MTUS2: variants seen among roughly 807,000 people sequenced by gnomAD.
MTUS2 encodes the protein microtubule-associated tumor suppressor candidate 2.
Under a neutral mutation model 114.1 loss-of-function variants are expected in MTUS2, and 40 were observed. The ratio of observed to expected loss-of-function variants is 0.35; its 90% CI spans 0.27 to 0.46. The LOEUF is 0.46. Among genes scored for constraint, MTUS2 ranks in the 20% least tolerant of loss-of-function variants. The pLI, the probability that MTUS2 is intolerant of heterozygous loss-of-function variation, is 1.00. For missense variants in MTUS2, 1,679 were observed against 1,705.4 expected (o/e 0.98, Z 0.27); for synonymous variants, 688 against 672.0 (o/e 1.02, Z -0.37).
At chr13:29,443,544 A>G (rs1878054465) in intron 9 of MTUS2, among the ~76,000 whole-genome samples, 1 of 152,234 alleles carries the variant, frequency 6.6e-6, no homozygotes, top group African/African-American at 2.4e-5. Context: ...AGGCCTTGGC[A>G]GCACCACCGC....
At chr13:29,394,896 TG>T (rs35870363) in intron 8 of MTUS2, among the ~76,000 whole-genome samples, 1 of 152,002 alleles carries the variant, frequency 6.6e-6, no homozygotes, top group Admixed American at 6.5e-5. Flanking sequence ...TGATCTAAGG[TG>T]GAACAGTTTC....
At chr13:29,426,062 T>A (rs1455020747) in intron 8 of MTUS2, among the ~76,000 whole-genome samples, 1 of 152,204 alleles carries the variant, frequency 6.6e-6, no homozygotes, top group Non-Finnish European at 1.5e-5. Context: ...GTAGGGAGTT[T>A]AGTTAGCTTT....
intron 12 of MTUS2, 99 bp downstream of exon 12, chr13:29,492,818 C>G: frequency 1.1e-6 from 1 of 906,872 alleles, no homozygotes. Context: ...TGTACTAAAT[C>G]CTGTACTAAA....
At chr13:29,099,420 C>T (rs369995493) in intron 4 of MTUS2, among the ~76,000 whole-genome samples, 1 of 152,194 alleles carries the variant, frequency 6.6e-6, no homozygotes, top group Non-Finnish European at 1.5e-5. Context: ...CACGGCTCTC[C>T]ATAGCCTCAC....
At chr13:29,277,532 T>A (rs1045909511) in intron 5 of MTUS2, among the ~76,000 whole-genome samples, 4 of 152,228 alleles carry the variant, frequency 2.6e-5, no homozygotes, top group African/African-American at 9.6e-5. Context: ...AGTGAATAAA[T>A]GCAGTATGGC....
chr13:29,428,365 G>A (rs912844223), intron 8 of MTUS2, among the ~76,000 whole-genome samples: 1 of 152,256 alleles, frequency 6.6e-6, no homozygotes, highest in Non-Finnish European at 1.5e-5. Context: ...CTGAAGCCCA[G>A]GCTCGCCTTT....
chr13:29,257,695 G>A (rs903648511), intron 5 of MTUS2, among the ~76,000 whole-genome samples: 1 of 152,176 alleles, frequency 6.6e-6, no homozygotes, highest in Admixed American at 6.5e-5. Context: ...GGAAGGTAAC[G>A]TTCACTGAAT....
intron 4 of MTUS2, among the ~76,000 whole-genome samples, chr13:29,048,954 T>C (rs1268301285): frequency 6.6e-6 from 1 of 152,232 alleles, no homozygotes. Flanking sequence ...AGTAAAGTTA[T>C]ATCACTGGGG....
rs1032615985 is a variant in MTUS2 at position 29,026,594 on chromosome 13, C to T, written c.1896C>T (p.Ile632=). The part of the protein sequence containing the change: ...KTEERTETKP[I]IMPKPKHVRP... Reference sequence around the variant, plus strand: ...AGGAGAGGACAGAAACTAAGCCCATCATTATGCCCAAGCCCAAGCATGTGA... The same window carrying T: ...AGGAGAGGACAGAAACTAAGCCCATTATTATGCCCAAGCCCAAGCATGTGA... Residue 632 remains isoleucine, a synonymous_variant, in exon 3 of 16, where the codon ATC becomes ATT. Coordinates refer to ENST00000612955, the MANE Select transcript of MTUS2 (RefSeq NM_001033602.4). The T allele has an allele frequency of 4.3e-6, 7 of 1,613,930 alleles. No homozygotes were observed. Among genetic ancestry groups the T allele is most frequent in the South Asian group, 2.2e-5 (2 of 91,072 alleles).
At chr13:29,329,531 G>A (rs531037782) in intron 7 of MTUS2, among the ~76,000 whole-genome samples, 8 of 151,856 alleles carry the variant, frequency 5.3e-5, no homozygotes, top group Admixed American at 2.6e-4. Context: ...TCTTTATCCA[G>A]TCTATCACTG....
At chr13:29,436,278 G>A (rs1290347575) in intron 8 of MTUS2, among the ~76,000 whole-genome samples, 1 of 152,172 alleles carries the variant, frequency 6.6e-6, no homozygotes, top group African/African-American at 2.4e-5. Context: ...GAAGAGTGTG[G>A]ACGATGGGTG....
chr13:29,476,051 G>A (rs941998973), intron 9 of MTUS2, among the ~76,000 whole-genome samples: 10 of 152,110 alleles, frequency 6.6e-5, no homozygotes, highest in South Asian at 4.1e-4. Context: ...CTTTTATACC[G>A]TATTTTAACT....
rs1044855178 is a variant in MTUS2 at position 28,972,126 on chromosome 13, G to A, written c.-242-52331G>A. Among the ~76,000 whole-genome samples, 9 of 152,302 alleles carry A rather than the reference G, an allele frequency of 5.9e-5. No homozygotes were observed. In the South Asian group the frequency reaches 1.2e-3, roughly 21 times the overall value. ...TATTGAGGAGAAAGAAATATTTTGC[G>A]TAGATCAAAGCCATTTTGAATACTT... On this transcript the variant is annotated intron_variant, in intron 2 of 15. Transcript: ENST00000612955.
At chr13:29,076,181 T>C (rs1011441095) in intron 4 of MTUS2, among the ~76,000 whole-genome samples, 1 of 152,262 alleles carries the variant, frequency 6.6e-6, no homozygotes, top group African/African-American at 2.4e-5. Flanking sequence ...AAGCTTCTTC[T>C]GGAAGTCTCT....
chr13:29,281,768 C>A lies in MTUS2; in HGVS notation c.2709C>A (p.Pro903=). The part of the protein sequence containing the change: ...LKASLPSKDT[P]KGAGRVAPPA... ...CATCTCTGCCTTCTAAGGACACACC[C>A]AAGGGGGCCGGCCGGGTGGCCCCTC... The change falls in exon 6 of 16, where the codon CCC becomes CCA. Residue 903 remains proline (P), a synonymous_variant. Coordinates refer to ENST00000612955, the MANE Select transcript of MTUS2 (RefSeq NM_001033602.4). 6.2e-7 allele frequency: 1 copy of A among 1,612,374 alleles called. No individual in the cohort carries two copies. Among genetic ancestry groups the A allele is most frequent in the Admixed American group, 1.7e-5 (1 of 59,992 alleles).
chr13:29,378,972 C>A (rs1871972958), intron 8 of MTUS2, among the ~76,000 whole-genome samples: 1 of 152,120 alleles, frequency 6.6e-6, no homozygotes, highest in South Asian at 2.1e-4. Context: ...CTCATGATGG[C>A]AAATGAGTTC....
chr13:29,101,057 T>G (rs1890398858), intron 5 of MTUS2, 87 bp downstream of exon 5: 4 of 1,351,392 alleles, frequency 3.0e-6, no homozygotes, highest in South Asian at 3.1e-5. Context: ...TTTGCATGAT[T>G]ATTTAAGAAT....
intron 4 of MTUS2, among the ~76,000 whole-genome samples, chr13:29,069,948 T>C (rs1888837819): frequency 6.6e-6 from 1 of 152,226 alleles, no homozygotes; most frequent in Non-Finnish European, 1.5e-5. Flanking sequence ...CTTCTGGATT[T>C]TATAACAAAA....
chr13:28,926,551 G>A (rs952548413), intron 2 of MTUS2, among the ~76,000 whole-genome samples: 2 of 152,168 alleles, frequency 1.3e-5, no homozygotes, highest in Admixed American at 6.5e-5. Flanking sequence ...TCCCCGTCAC[G>A]TTTTAATCAC....
Sources: gnomAD v4.1 joint callset for allele counts (sites outside exome capture counted in the v4.1 genomes callset) on GRCh38, gnomAD v4.1.1 for gene constraint, MANE v1.5 for transcripts, NCBI Gene and HGNC (gene_info 2026-07-23, HGNC 2026-07-21) for gene names.